PRKAR1B: variants seen among roughly 807,000 people sequenced by gnomAD.
PRKAR1B encodes the protein cAMP-dependent protein kinase type I-beta regulatory subunit.
In PRKAR1B, 22 loss-of-function variants were observed where a neutral mutation model predicts 46.5. That is an observed-to-expected ratio of 0.47 (90% CI 0.34 to 0.68). PRKAR1B has a LOEUF of 0.68. PRKAR1B is among the 30% of genes least tolerant of loss of function. The pLI is 0.01. For synonymous variants in PRKAR1B, 259 were observed against 217.7 expected (o/e 1.19, Z -1.67); for missense variants, 445 against 535.6 (o/e 0.83, Z 1.67).
At chr7:613,712 A>C (rs1049318451) in intron 4 of PRKAR1B, among the ~76,000 whole-genome samples, 5 of 152,326 alleles carry the variant, frequency 3.3e-5, no homozygotes, top group African/African-American at 1.2e-4. Flanking sequence ...AGGGTGAAAA[A>C]GCCACGACCA....
intron 9 of PRKAR1B, among the ~76,000 whole-genome samples, chr7:557,139 G>A (rs995799030): frequency 1.1e-4 from 16 of 152,210 alleles, no homozygotes; most frequent in African/African-American, 3.6e-4. Flanking sequence ...GGAGTCTGGT[G>A]GCCCCGGGAC....
At chr7:563,496 C>T (rs1420905780) in intron 9 of PRKAR1B, among the ~76,000 whole-genome samples, 1 of 152,256 alleles carries the variant, frequency 6.6e-6, no homozygotes, top group African/African-American at 2.4e-5. Context: ...CCCAGGGGGC[C>T]CCAAGCTGCT....
At chr7:573,315 G>T (rs1273948968) in intron 9 of PRKAR1B, among the ~76,000 whole-genome samples, 2 of 152,174 alleles carry the variant, frequency 1.3e-5, no homozygotes, top group Non-Finnish European at 2.9e-5. Flanking sequence ...ATGTGAATCT[G>T]CACAGCCCCC....
chr7:654,708 TCATCAC>T (rs1454822488), intron 4 of PRKAR1B, among the ~76,000 whole-genome samples: 3 of 5,318 alleles, frequency 5.6e-4, no homozygotes, highest in African/African-American at 1.4e-3. Flanking sequence ...ACCATCACCA[TCATCAC>T]CATCTACATC....
At chr7:614,159 C>G (rs1198947724) in intron 4 of PRKAR1B, among the ~76,000 whole-genome samples, 1 of 152,236 alleles carries the variant, frequency 6.6e-6, no homozygotes, top group East Asian at 1.9e-4. Context: ...GGCACTTCTT[C>G]GGACTCACAG....
At chr7:569,937 G>A (rs1779401474) in intron 9 of PRKAR1B, among the ~76,000 whole-genome samples, 1 of 152,248 alleles carries the variant, frequency 6.6e-6, no homozygotes, top group South Asian at 2.1e-4. Context: ...CAGGGCCCAG[G>A]TGGAGGGCTC....
intron 8 of PRKAR1B, 56 bp from the exon 9 acceptor site, chr7:579,433 G>A (rs942903756): frequency 2.7e-5 from 44 of 1,602,622 alleles, no homozygotes; most frequent in Non-Finnish European, 3.7e-5. Context: ...CACAGCCACA[G>A]TCCAAGACAA....
chr7:611,013 G>C (rs1782449945), intron 4 of PRKAR1B, among the ~76,000 whole-genome samples: 1 of 152,214 alleles, frequency 6.6e-6, no homozygotes, highest in African/African-American at 2.4e-5. Flanking sequence ...CTTCCTGCGG[G>C]GGCCGAGGGC....
intron 4 of PRKAR1B, among the ~76,000 whole-genome samples, chr7:632,927 G>T (rs1783842941): frequency 6.6e-6 from 1 of 152,256 alleles, no homozygotes; most frequent in Non-Finnish European, 1.5e-5. Flanking sequence ...GCCTGTCCGG[G>T]AAGCAGACAC....
intron 9 of PRKAR1B, among the ~76,000 whole-genome samples, chr7:569,902 G>A (rs529600792): frequency 6.6e-6 from 1 of 152,248 alleles, no homozygotes; most frequent in Admixed American, 6.5e-5. Context: ...TCCCCGCGCA[G>A]ATGTCCGCAT....
chr7:594,988 G>A (rs950225640), intron 7 of PRKAR1B, among the ~76,000 whole-genome samples: 1 of 152,232 alleles, frequency 6.6e-6, no homozygotes, highest in African/African-American at 2.4e-5. Flanking sequence ...ACGCTCACTG[G>A]ATGGCCCCAA....
chr7:714,595 C>T lies in PRKAR1B; in HGVS notation c.-22-3068G>A, dbSNP rs1780809547. 6.6e-6 allele frequency among the ~76,000 whole-genome samples: 1 copy of T among 152,340 alleles called. No individual in the cohort carries two copies. The highest frequency in any genetic ancestry group is 1.5e-5 in the Non-Finnish European group (1 of 68,026). ...GATCCCTGTTCCAGTGGCCCCCACC[C>T]CACACAAGGACTCCCTCTCCAGACT... On this transcript the variant is annotated intron_variant, in intron 1 of 10. Coordinates refer to ENST00000537384, the MANE Select transcript of PRKAR1B (RefSeq NM_001164760.2). This position sits in a 1 kb window ranked among gnomAD's most constrained non-coding sequence, Gnocchi z 4.3.
intron 7 of PRKAR1B, among the ~76,000 whole-genome samples, chr7:584,845 T>C (rs1379017545): frequency 6.6e-6 from 1 of 152,084 alleles, no homozygotes; most frequent in Non-Finnish European, 1.5e-5. Flanking sequence ...CCAGGACCCG[T>C]GGTAGTTCCA....
chr7:665,866 G>A (rs1335980049), intron 4 of PRKAR1B, among the ~76,000 whole-genome samples: 1 of 152,222 alleles, frequency 6.6e-6, no homozygotes, highest in African/African-American at 2.4e-5. Flanking sequence ...AGACTGCAGA[G>A]ATACGCGGGT....
intron 4 of PRKAR1B, among the ~76,000 whole-genome samples, chr7:611,698 T>C (rs1387451733): frequency 6.6e-6 from 1 of 152,118 alleles, no homozygotes; most frequent in Non-Finnish European, 1.5e-5. Flanking sequence ...ATATGGATGG[T>C]TGGATGGGTG....
At chr7:569,153 C>T (rs1162893213) in intron 9 of PRKAR1B, among the ~76,000 whole-genome samples, 4 of 152,038 alleles carry the variant, frequency 2.6e-5, no homozygotes, top group Non-Finnish European at 2.9e-5. Flanking sequence ...TTGCTGAAGA[C>T]GCCTCGGCGT....
Position 580,208 on chromosome 7 carries a change from G to A in PRKAR1B, c.770-831C>T, listed in dbSNP as rs192490360. 7.1e-3 allele frequency among the ~76,000 whole-genome samples: 1,060 copies of A among 148,690 alleles called. 13 individuals carry two copies. The highest frequency in any genetic ancestry group is 0.025 in the African/African-American group (993 of 40,098). ...ATCACGTCACTGCACTCCAGCTTGG[G>A]AGACAGAGCAACACCCTGTCTCAAA... On this transcript the variant is annotated intron_variant, in intron 8 of 10. Coordinates refer to ENST00000537384, the MANE Select transcript of PRKAR1B (RefSeq NM_001164760.2).
intron 2 of PRKAR1B, among the ~76,000 whole-genome samples, chr7:708,038 G>A (rs1780425759): frequency 6.7e-6 from 1 of 149,438 alleles, no homozygotes; most frequent in South Asian, 2.1e-4. Flanking sequence ...AGCCAGGGGA[G>A]ACACAGAACC....
intron 4 of PRKAR1B, among the ~76,000 whole-genome samples, chr7:639,539 G>A (rs772725784): frequency 5.9e-5 from 9 of 152,116 alleles, no homozygotes; most frequent in Admixed American, 1.3e-4. Flanking sequence ...AGATGTAACC[G>A]CAAAAGCATA....
Sources: gnomAD v4.1 joint callset for allele counts (sites outside exome capture counted in the v4.1 genomes callset) on GRCh38, gnomAD v4.1.1 for gene constraint, Gnocchi (gnomAD v3.1) non-coding constraint, MANE v1.5 for transcripts, NCBI Gene and HGNC (gene_info 2026-07-23, HGNC 2026-07-21) for gene names.